The following CPE variants were observed in gnomAD, a reference collection of about 807,000 sequenced individuals.
The protein encoded by CPE is carbocypeptidase E.
In CPE, 17 loss-of-function variants were observed where a neutral mutation model predicts 53.5. That is an observed-to-expected ratio of 0.32 (90% CI 0.22 to 0.48). The LOEUF (loss-of-function observed/expected upper bound fraction) is 0.48, where lower values mean the gene tolerates loss of function less well. CPE is among the 20% of genes least tolerant of loss of function. The pLI, the probability that CPE is intolerant of heterozygous loss-of-function variation, is 0.99. For synonymous variants in CPE, 226 were observed against 228.8 expected, an observed-to-expected ratio of 0.99 and a Z score of 0.11; for missense variants, 524 against 614.7, an observed-to-expected ratio of 0.85 and a Z score of 1.56.
At chr4:165,473,612 GA>G (rs902763253) in intron 3 of CPE, among the ~76,000 whole-genome samples, 1 of 152,218 alleles carries the variant, frequency 6.6e-6, no homozygotes, top group African/African-American at 2.4e-5. Context: ...CTTTCCAGAA[GA>G]AATAGAGCTA....
Position 165,417,557 on chromosome 4 carries a change from A to AT in CPE, c.307+38041dup, listed in dbSNP as rs59056653. Among the ~76,000 whole-genome samples the AT allele has an allele frequency of 4.3e-3, 644 of 149,890 alleles. 3 individuals carry two copies. The highest frequency in any genetic ancestry group is 0.013 in the African/African-American group (546 of 41,084). On this transcript the variant is annotated intron_variant, in intron 1 of 8. Coordinates refer to ENST00000402744, the MANE Select transcript of CPE (RefSeq NM_001873.4). ...CATTCCACAAATATTTATTGGCAGT[A>AT]TTTTTTTTTTTTATCATTAGCTTTG...
chr4:165,428,018 CTCTT>C (rs1421599095), intron 1 of CPE, among the ~76,000 whole-genome samples: 2 of 149,116 alleles, frequency 1.3e-5, no homozygotes, highest in East Asian at 4.0e-4. Flanking sequence ...CTCTCTCTCT[CTCTT>C]TCTTTCCTCT....
chr4:165,419,391 T>G (rs1182288683), intron 1 of CPE, among the ~76,000 whole-genome samples: 1 of 152,152 alleles, frequency 6.6e-6, no homozygotes, highest in Non-Finnish European at 1.5e-5. Flanking sequence ...TAAAAATTTG[T>G]TTTACTTTTA....
rs190408569 is a variant in CPE, at chr4:165,405,110, G to A, written c.307+25582G>A. The A allele has an allele frequency of 2.2e-3, 1,611 of 748,282 alleles. 13 individuals carry two copies. The highest frequency in any genetic ancestry group is 0.017 in the African/African-American group (961 of 58,146). 46.4% of individuals were successfully genotyped at this position (748,282 alleles called of 1,614,324 possible). On this transcript the variant is annotated intron_variant, in intron 1 of 8. Transcript: ENST00000402744. The stretch of plus-strand genomic sequence containing the variant: ...GAAGATGGAATCCCTTTCAAATGAC[G>A]TTAGAGCTTTCTTCTTTACTTTGTC...
At chr4:165,497,457 A>T in intron 8 of CPE, 55 bp from the exon 9 acceptor site, 3 of 1,038,524 alleles carry the variant, frequency 2.9e-6, no homozygotes, top group Non-Finnish European at 4.0e-6. Flanking sequence ...TTTTATTTCA[A>T]TTTAAAAAAA....
At position 165,484,440 on chromosome 4, in the gene CPE, G is replaced by C. The variant is rs145229675; in HGVS notation, c.809G>C (p.Ser270Thr). 27 of 1,613,890 alleles carry C rather than the reference G, an allele frequency of 1.7e-5. No individual in the cohort carries two copies. Among genetic ancestry groups the C allele is most frequent in the Non-Finnish European group, 2.2e-5 (26 of 1,179,880 alleles). ...TTTCTAGGTAGTGCTCACGAATACAGCTCCTCCCCAGATGACGCCATTTTC... is the reference window on the plus strand; with the variant it reads ...TTTCTAGGTAGTGCTCACGAATACACCTCCTCCCCAGATGACGCCATTTTC... ...ETRSGSAHEYSSSPDDAIFQS... is the reference protein window; with the variant it reads ...ETRSGSAHEYTSSPDDAIFQS... The change falls in exon 5 of 9, where the codon AGC becomes ACC. Residue 270 changes from serine (S) to threonine (T), a missense_variant. By Grantham distance (58) the Ser-to-Thr change is moderately conservative (BLOSUM62 1). Coordinates refer to ENST00000402744, the MANE Select transcript of CPE (RefSeq NM_001873.4).
chr4:165,446,074 T>G (rs1579265153), intron 1 of CPE, among the ~76,000 whole-genome samples: 1 of 152,260 alleles, frequency 6.6e-6, no homozygotes, highest in Admixed American at 6.5e-5. Flanking sequence ...ATTCACACCA[T>G]GTATATATAA....
At chr4:165,450,612 A>T (rs1446755485) in intron 1 of CPE, among the ~76,000 whole-genome samples, 4 of 152,220 alleles carry the variant, frequency 2.6e-5, no homozygotes, top group African/African-American at 9.6e-5. Context: ...TAAAATTTAA[A>T]TATTGAATTT....
chr4:165,461,109 G>A (rs1731990664), intron 1 of CPE, among the ~76,000 whole-genome samples: 1 of 143,386 alleles, frequency 7.0e-6, no homozygotes, highest in African/African-American at 2.6e-5. Context: ...CGAGGCTGCA[G>A]TGAGCCATGA....
Position 165,449,678 on chromosome 4 carries a change from G to A in CPE, c.308-14712G>A, listed in dbSNP as rs369838807. Among the ~76,000 whole-genome samples, 16 of 152,036 alleles carry A rather than the reference G, an allele frequency of 1.1e-4. No individual in the cohort carries two copies. The East Asian group carries it at 1.9e-3, about 18-fold the overall frequency. On this transcript the variant is annotated intron_variant, in intron 1 of 8. Coordinates refer to ENST00000402744, the MANE Select transcript of CPE (RefSeq NM_001873.4). The stretch of plus-strand genomic sequence containing the variant: ...GTTTTTGTTTATTTGTTTGGGTTTC[G>A]TGCAATTTCATGTAAAATTTTTCTG...
intron 3 of CPE, among the ~76,000 whole-genome samples, chr4:165,476,532 C>A (rs1273382345): frequency 6.6e-6 from 1 of 151,886 alleles, no homozygotes; most frequent in Non-Finnish European, 1.5e-5. Context: ...TTGCCCAGCT[C>A]CTGAGATCTT....
chr4:165,423,937 T>C (rs1429209229), intron 1 of CPE, among the ~76,000 whole-genome samples: 1 of 151,918 alleles, frequency 6.6e-6, no homozygotes, highest in Non-Finnish European at 1.5e-5. Context: ...AATGATGATT[T>C]CCAATTTCAT....
intron 1 of CPE, among the ~76,000 whole-genome samples, chr4:165,451,943 G>C (rs34464158): frequency 2.2e-4 from 33 of 147,706 alleles, no homozygotes; most frequent in African/African-American, 7.8e-4. Flanking sequence ...TTTTTTTTTC[G>C]TTTTTTTTAA....
At chr4:165,493,546 G>A (rs1169164226) in intron 7 of CPE, among the ~76,000 whole-genome samples, 1 of 152,130 alleles carries the variant, frequency 6.6e-6, no homozygotes, top group African/African-American at 2.4e-5. Flanking sequence ...GCCACAGGCT[G>A]CCGATTCTTC....
intron 1 of CPE, among the ~76,000 whole-genome samples, chr4:165,448,122 A>C (rs1237762569): frequency 6.6e-6 from 1 of 152,208 alleles, no homozygotes; most frequent in Non-Finnish European, 1.5e-5. Flanking sequence ...TATTTATAAA[A>C]GGAATTGTTA....
chr4:165,477,743 A>G (rs996802815), intron 3 of CPE, among the ~76,000 whole-genome samples: 1 of 150,022 alleles, frequency 6.7e-6, no homozygotes, highest in African/African-American at 2.5e-5. Flanking sequence ...AAAAAAAAAG[A>G]AATTCATATT....
At chr4:165,492,425 T>A (rs534772909) in intron 6 of CPE, among the ~76,000 whole-genome samples, 1 of 152,278 alleles carries the variant, frequency 6.6e-6, no homozygotes, top group South Asian at 2.1e-4. Flanking sequence ...GCACTAAGAC[T>A]AGAACTTTAC....
intron 1 of CPE, chr4:165,405,105 A>G: frequency 1.4e-6 from 1 of 738,960 alleles, no homozygotes; most frequent in Non-Finnish European, 2.5e-6. Context: ...TCCCTTTCAA[A>G]TGACGTTAGA....
At chr4:165,394,728 T>G (rs1282405003) in intron 1 of CPE, among the ~76,000 whole-genome samples, 1 of 152,100 alleles carries the variant, frequency 6.6e-6, no homozygotes, top group African/African-American at 2.4e-5. Flanking sequence ...TTTTTTTTTA[T>G]GTGAAAAATG....
Sources: allele counts gnomAD v4.1 joint callset (sites outside exome capture counted in the v4.1 genomes callset), GRCh38; gene constraint gnomAD v4.1.1; transcripts MANE v1.5; gene names NCBI Gene and HGNC (gene_info 2026-07-23, HGNC 2026-07-21).